DAB1: variants seen among roughly 807,000 people sequenced by gnomAD.
DAB1 encodes the protein DAB adaptor protein 1.
A neutral mutation model predicts 64.6 loss-of-function variants in DAB1; 15 were observed. That is an observed-to-expected ratio of 0.23 (90% confidence interval 0.16 to 0.36). The LOEUF is 0.36. Among genes scored for constraint, DAB1 ranks in the 10% least tolerant of loss-of-function variants. DAB1 has a pLI of 1.00. For synonymous variants in DAB1, 235 were observed against 251.9 expected, an observed-to-expected ratio of 0.93 and a Z score of 0.64; for missense variants, 596 against 706.7, an observed-to-expected ratio of 0.84 and a Z score of 1.78.
chr1:58,476,798 A>G (rs1645423087), intron 3 of DAB1, among the ~76,000 whole-genome samples: 1 of 152,228 alleles, frequency 6.6e-6, no homozygotes, highest in Non-Finnish European at 1.5e-5. Flanking sequence ...CCTGCTGTTC[A>G]CAAGTGAAGG....
intron 7 of DAB1, among the ~76,000 whole-genome samples, chr1:57,550,699 CTCT>C (rs1644904296): frequency 6.6e-6 from 1 of 152,152 alleles, no homozygotes; most frequent in East Asian, 1.9e-4. Context: ...CTGCTCATGT[CTCT>C]TCTTCTGAAT....
chr1:58,452,806 C>A (rs1043460675), intron 3 of DAB1, among the ~76,000 whole-genome samples: 2 of 150,788 alleles, frequency 1.3e-5, no homozygotes, highest in Admixed American at 1.3e-4. Flanking sequence ...CCAGCCTGGG[C>A]GACAGAGAGA....
At chr1:57,327,671 C>CTAAA (rs1361175081) in intron 1 of DAB1, among the ~76,000 whole-genome samples, 2 of 152,060 alleles carry the variant, frequency 1.3e-5, no homozygotes, top group Admixed American at 1.3e-4. Flanking sequence ...AATTTAAATG[C>CTAAA]TAAAACAAAT....
At chr1:58,473,938 G>A (rs1286598784) in intron 3 of DAB1, 2 of 1,232,900 alleles carry the variant, frequency 1.6e-6, no homozygotes, top group East Asian at 1.1e-4. Flanking sequence ...ATCTGTTCTG[G>A]CTGTTCAATA....
At chr1:57,854,873 T>C (rs1653684341) in intron 1 of DAB1, among the ~76,000 whole-genome samples, 1 of 152,168 alleles carries the variant, frequency 6.6e-6, no homozygotes, top group South Asian at 2.1e-4. Flanking sequence ...GTGGGTTAAT[T>C]CTGCTTGAAC....
At chr1:57,867,614 G>A (rs1654364804) in intron 1 of DAB1, among the ~76,000 whole-genome samples, 1 of 152,146 alleles carries the variant, frequency 6.6e-6, no homozygotes, top group Admixed American at 6.6e-5. Flanking sequence ...CTGAGTGCTT[G>A]CTTTGTGCTA....
intron 9 of DAB1, among the ~76,000 whole-genome samples, chr1:57,045,415 C>A (rs759766505): frequency 3.9e-5 from 6 of 152,042 alleles, no homozygotes; most frequent in Non-Finnish European, 8.8e-5. Context: ...AGTAGGGTGG[C>A]GGCTGGGTGT....
intron 5 of DAB1, among the ~76,000 whole-genome samples, chr1:58,032,103 A>T (rs1355239674): frequency 6.6e-6 from 1 of 151,160 alleles, no homozygotes; most frequent in African/African-American, 2.4e-5. Flanking sequence ...TATCTGCATC[A>T]TCTGGGAGAG....
chr1:57,052,724 A>G (rs993938816), intron 9 of DAB1, among the ~76,000 whole-genome samples: 1 of 152,176 alleles, frequency 6.6e-6, no homozygotes, highest in African/African-American at 2.4e-5. Flanking sequence ...TAGATGAATA[A>G]TTCTAATGTC....
At chr1:58,313,772 G>A (rs1662481872) in intron 4 of DAB1, among the ~76,000 whole-genome samples, 1 of 151,252 alleles carries the variant, frequency 6.6e-6, no homozygotes, top group Admixed American at 6.6e-5. Flanking sequence ...TTCCTGGTTA[G>A]GGCCCTCTTC....
chr1:57,654,927 T>C (rs1646298807), intron 6 of DAB1, among the ~76,000 whole-genome samples: 1 of 152,234 alleles, frequency 6.6e-6, no homozygotes, highest in South Asian at 2.1e-4. Flanking sequence ...GTTGGTACTA[T>C]TTATATAATA....
In DAB1 at chr1:58,298,043, A is replaced by C. The variant is rs142324671; in HGVS notation, n.309+45309T>G. ...TTATGATTAAAAAATATGATTAAAG[A>C]ATATTATATATTGACAACATTTTAA... On this transcript the variant is annotated intron_variant and non_coding_transcript_variant, in intron 4 of 20. Transcript: ENST00000485760. 6.6e-4 allele frequency among the ~76,000 whole-genome samples: 100 copies of C among 152,334 alleles called. 2 individuals carry two copies. In the East Asian group the frequency reaches 0.019, roughly 28 times the overall value.
chr1:57,834,425 A>G (rs60635715), intron 1 of DAB1, among the ~76,000 whole-genome samples: 3,521 of 152,260 alleles, frequency 0.023, 110 homozygotes, highest in East Asian at 0.13. Context: ...TGTGGAATAG[A>G]TACATATTTC....
At chr1:58,268,234 T>A (rs1661223072) in intron 4 of DAB1, among the ~76,000 whole-genome samples, 1 of 152,148 alleles carries the variant, frequency 6.6e-6, no homozygotes, top group South Asian at 2.1e-4. Context: ...AAGCAGCTTA[T>A]AAAATGTACA....
intron 2 of DAB1, among the ~76,000 whole-genome samples, chr1:57,229,582 C>T (rs1667521612): frequency 6.6e-6 from 1 of 152,046 alleles, no homozygotes; most frequent in South Asian, 2.1e-4. Context: ...AGTGACTGTA[C>T]TGATGTTTAT....
intron 4 of DAB1, among the ~76,000 whole-genome samples, chr1:58,303,157 G>A (rs1377463971): frequency 6.6e-6 from 1 of 152,144 alleles, no homozygotes; most frequent in Non-Finnish European, 1.5e-5. Flanking sequence ...TTCTACCTCT[G>A]TGATCCAACC....
intron 1 of DAB1, among the ~76,000 whole-genome samples, chr1:58,543,108 T>C (rs556518461): frequency 1.3e-5 from 2 of 152,180 alleles, no homozygotes; most frequent in Non-Finnish European, 2.9e-5. Context: ...CTGATTCCCA[T>C]GAAACCATTG....
intron 5 of DAB1, among the ~76,000 whole-genome samples, chr1:58,104,464 T>C (rs1019936909): frequency 4.6e-5 from 7 of 152,160 alleles, no homozygotes; most frequent in Non-Finnish European, 1.0e-4. Flanking sequence ...GAAAATATAG[T>C]AATCAACACT....
At chr1:57,863,233 A>C (rs1654147073) in intron 1 of DAB1, 1 of 150,760 alleles carries the variant, frequency 6.6e-6, no homozygotes, top group African/African-American at 2.4e-5. Context: ...GAGTGGTAGA[A>C]AGTAAACCAG....
Sources: allele counts gnomAD v4.1 joint callset (sites outside exome capture counted in the v4.1 genomes callset), GRCh38; gene constraint gnomAD v4.1.1; transcripts MANE v1.5; gene names NCBI Gene and HGNC (gene_info 2026-07-23, HGNC 2026-07-21).